Variants in S100A14 observed in about 807,000 individuals in gnomAD.
S100A14 encodes the protein S100 calcium binding protein A14, also known as protein S100-A14.
S100A14 carries 6 observed loss-of-function variants against 10.6 expected under a neutral mutation model. The ratio of observed to expected loss-of-function variants is 0.57; its 90% CI spans 0.31 to 1.12. The LOEUF is 1.12. Ranked by LOEUF, S100A14 falls within the 50% of genes most tolerant of loss-of-function variation. The pLI, the probability that S100A14 is intolerant of heterozygous loss-of-function variation, is 0.06. For synonymous variants in S100A14, 51 were observed against 51.0 expected, an observed-to-expected ratio of 1.00 and a Z score of 0.00; for missense variants, 121 against 128.7, an observed-to-expected ratio of 0.94 and a Z score of 0.29.
chr1:153,615,271 C>T lies in S100A14; in HGVS notation c.141G>A (p.Arg47=). Residue 47 remains arginine (R), a synonymous_variant, in exon 3 of 4, where the codon CGG becomes CGA. Coordinates refer to ENST00000344616, the MANE Select transcript of S100A14 (RefSeq NM_020672.3). ...GKETLTPSEL[R]DLVTQQLPHL... ...GGGGCAGCTGCTGGGTGACCAGGTC[C>T]CGTAGCTCAGAAGGGGTCAGCGTCT... 2.5e-6 allele frequency: 4 copies of T among 1,613,952 alleles called. No homozygotes were observed. The highest frequency in any genetic ancestry group is 3.4e-6 in the Non-Finnish European group (4 of 1,179,992).
Position 153,615,379 on chromosome 1 carries a change from A to G in S100A14, c.33T>C (p.Asp11=). 2 of 1,613,498 alleles carry G rather than the reference A, an allele frequency of 1.2e-6. No individual in the cohort carries two copies. Among genetic ancestry groups the G allele is most frequent in the Non-Finnish European group, 1.7e-6 (2 of 1,179,820 alleles). The change falls in exon 3 of 4, where the codon GAT becomes GAC. Residue 11 remains aspartate, a splice_region_variant and synonymous_variant. Transcript: ENST00000344616. ...TCTCCACATCACTGAATTCCTGAGC[A>G]TCCTGAGGGCAGGGGACATCACAAA... MGQCRSANAE[D]AQEFSDVERA... is the part of the protein sequence containing the mutation.
chr1:153,615,463 C>T, intron 2 of S100A14, 82 bp from the exon 3 acceptor site: 1 of 1,518,358 alleles, frequency 6.6e-7, no homozygotes, highest in Admixed American at 1.9e-5. Context: ...AGCAAAGCCC[C>T]CAGGGCAGAA....
chr1:153,616,069 CCCCGCCTGGGCTTCAGGAGCCAAGGT>C (rs1459617952), intron 1 of S100A14, 133 bp from the exon 2 acceptor site: 1 of 514,360 alleles, frequency 1.9e-6, no homozygotes, highest in Non-Finnish European at 3.5e-6. Context: ...TAGGCCCAGG[CCCCGCCTGGGCTTCAGGAGCCAAGGT>C]CATATCCCCC....
In S100A14 at chr1:153,614,756, A is replaced by C; in HGVS notation, c.*129T>G. The C allele has an allele frequency of 1.8e-6, 2 of 1,138,802 alleles. No homozygotes were observed. Among genetic ancestry groups the C allele is most frequent in the Non-Finnish European group, 2.5e-6 (2 of 811,594 alleles). The allele number at this position is 1,138,802 out of a possible 1,614,324, so 70.5% of individuals were successfully genotyped here. ...GACAGAGTGCACAGAGACCTGGGGA[A>C]GGAAGCTGAACTTTGCAGAGATGAG... On this transcript the variant is annotated 3_prime_UTR_variant, in exon 4 of 4. Transcript: ENST00000344616.
In S100A14 at chr1:153,614,809, G is replaced by A; in HGVS notation, c.*76C>T. ...CAGGTGCAGGCTAGGGTACAGGGTG[G>A]TGGTAGAGGAGACAAGTTTTATCTC... On this transcript the variant is annotated 3_prime_UTR_variant, in exon 4 of 4. Transcript: ENST00000344616. 6.5e-7 allele frequency: 1 copy of A among 1,533,594 alleles called. No homozygotes were observed. The allele number at this position is 1,533,594 out of a possible 1,614,324, so 95.0% of individuals were successfully genotyped here. A position where few individuals can be genotyped will look rare whatever the true frequency, so the allele number is the denominator to read the frequency against.
At chr1:153,616,113 C>T (rs1033671980) in intron 1 of S100A14, 177 bp from the exon 2 acceptor site, 16 of 462,142 alleles carry the variant, frequency 3.5e-5, no homozygotes, top group Middle Eastern at 6.0e-4. Context: ...CCCAGGCCAA[C>T]GCATCTAGGG....
Position 153,614,764 on chromosome 1 carries a change from GAA to G in S100A14, c.*119_*120del. On this transcript the variant is annotated 3_prime_UTR_variant, in exon 4 of 4. Transcript: ENST00000344616. Reference sequence around the variant, plus strand: ...GCACAGAGACCTGGGGAAGGAAGCTGAACTTTGCAGAGATGAGGACAGGTGCA... The same window carrying G: ...GCACAGAGACCTGGGGAAGGAAGCTGCTTTGCAGAGATGAGGACAGGTGCA... The G allele has an allele frequency of 1.6e-6, 2 of 1,254,830 alleles. No homozygotes were observed. The highest frequency in any genetic ancestry group is 2.2e-6 in the Non-Finnish European group (2 of 909,998). The allele number at this position is 1,254,830 out of a possible 1,614,324, so 77.7% of individuals were successfully genotyped here.
At chr1:153,615,727 G>T in intron 2 of S100A14, 102 bp downstream of exon 2, 1 of 1,269,890 alleles carries the variant, frequency 7.9e-7, no homozygotes, top group Non-Finnish European at 1.1e-6. Flanking sequence ...TGGGGTGCAG[G>T]GCAAGGCCAA....
chr1:153,615,159 C>T, intron 3 of S100A14, 76 bp downstream of exon 3: 1 of 1,591,796 alleles, frequency 6.3e-7, no homozygotes, highest in Non-Finnish European at 8.6e-7. Context: ...TTGCAAGTGC[C>T]AGTGTGGGTG....
rs148511407 is a variant in S100A14, at chr1:153,615,057, C to A, written c.178-35G>T. On this transcript the variant is annotated intron_variant, in intron 3 of 3. Transcript: ENST00000344616. ...GTGAAGAAACCATGGCTCAGGGATG[C>A]AGCACCTTCCAATCTTCCCACCCCA... is the stretch of plus-strand genomic sequence containing the variant. 3,847 of 1,607,934 alleles carry A rather than the reference C, an allele frequency of 2.4e-3. 152 individuals are homozygous for A. In the Admixed American group the frequency reaches 0.06, roughly 25 times the overall value.
At chr1:153,615,756 G>A in intron 2 of S100A14, 73 bp downstream of exon 2, 1 of 1,522,612 alleles carries the variant, frequency 6.6e-7, no homozygotes, top group Non-Finnish European at 9.1e-7. Flanking sequence ...GCAGAAGTCA[G>A]TGGGGGGACA....
In S100A14 at chr1:153,615,184, T is replaced by A. The variant is rs1053114311; in HGVS notation, c.177+51A>T. ...CAGTGTGGGTGGGGTCCCGGAGCACTTGCTTGGGAAGTCAGGGTACTGGCT... is the reference window on the plus strand; with the variant it reads ...CAGTGTGGGTGGGGTCCCGGAGCACATGCTTGGGAAGTCAGGGTACTGGCT... On this transcript the variant is annotated intron_variant, in intron 3 of 3. Transcript: ENST00000344616. 8 of 1,606,908 alleles carry A rather than the reference T, an allele frequency of 5.0e-6. No homozygotes were observed. The Middle Eastern group carries it at 5.3e-4, about 107-fold the overall frequency.
rs1370923898 is a variant in S100A14 at position 153,616,030 on chromosome 1, C to G, written c.-78-94G>C. ...TGGCTCCATCTCAGATATTCTGTGC[C>G]TCACCAGGGGTTCAAAACCAACACC... On this transcript the variant is annotated intron_variant, in intron 1 of 3. Coordinates refer to ENST00000344616, the MANE Select transcript of S100A14 (RefSeq NM_020672.3). The G allele has an allele frequency of 4.7e-6, 3 of 634,688 alleles. No homozygotes were observed. The African/African-American group carries it at 5.4e-5, about 11-fold the overall frequency. 39.3% of individuals were successfully genotyped at this position (634,688 alleles called of 1,614,324 possible).
intron 2 of S100A14, 106 bp downstream of exon 2, chr1:153,615,723 G>T: frequency 1.7e-6 from 2 of 1,173,024 alleles, no homozygotes; most frequent in Non-Finnish European, 2.5e-6. Flanking sequence ...GGTCTGGGGT[G>T]CAGGGCAAGG....
chr1:153,615,329 T>A lies in S100A14; in HGVS notation c.83A>T (p.Asn28Ile), dbSNP rs746784811. 6.2e-7 allele frequency: 1 copy of A among 1,613,814 alleles called. No homozygotes were observed. The highest frequency in any genetic ancestry group is 1.1e-5 in the South Asian group (1 of 91,068). The change falls in exon 3 of 4, where the codon AAC (asparagine) becomes ATC (isoleucine). Residue 28 changes from asparagine to isoleucine, a missense_variant. Transcript: ENST00000344616. ...ACCCTCCACGGAGTACTGGTGAAAG[T>A]TCTTGATGAGGGTCTCAATGGCCCT... ...VERAIETLIK[N>I]FHQYSVEGGK...
rs932397919 is a variant in S100A14, at chr1:153,615,968, GGAGA to G, written c.-78-36_-78-33del. On this transcript the variant is annotated intron_variant, in intron 1 of 3. Coordinates refer to ENST00000344616, the MANE Select transcript of S100A14 (RefSeq NM_020672.3). ...AGAGGAGGGGGTAGGCCTGAGCTGA[GGAGA>G]GAGTCTAGCATTTCTTTCTCAGCTG... 7 of 1,046,184 alleles carry G rather than the reference GGAGA, an allele frequency of 6.7e-6. No individual in the cohort carries two copies. The African/African-American group carries it at 1.1e-4, about 16-fold the overall frequency. 64.8% of individuals were successfully genotyped at this position (1,046,184 alleles called of 1,614,324 possible).
rs760330987 is a variant in S100A14, at chr1:153,615,024, T to C, written c.178-2A>G. ...TTTCTCTTCCAGGCCACAGTTGCTC[T>C]GAGGGGAGTGAAGAAACCATGGCTC... is the stretch of plus-strand genomic sequence containing the variant. On this transcript the variant is annotated splice_acceptor_variant, in intron 3 of 3. Transcript: ENST00000344616. LOFTEE classifies it high-confidence loss of function. 3 of 1,613,376 alleles carry C rather than the reference T, an allele frequency of 1.9e-6. No individual in the cohort carries two copies. The Admixed American group carries it at 5.0e-5, about 27-fold the overall frequency.
Position 153,615,956 on chromosome 1 carries a change from G to A in S100A14, c.-78-20C>T. On this transcript the variant is annotated intron_variant, in intron 1 of 3. Coordinates refer to ENST00000344616, the MANE Select transcript of S100A14 (RefSeq NM_020672.3). ...CATGATCTGCTTAGAGGAGGGGGTA[G>A]GCCTGAGCTGAGGAGAGAGTCTAGC... is the stretch of plus-strand genomic sequence containing the variant. 3.3e-6 allele frequency: 4 copies of A among 1,201,754 alleles called. No individual in the cohort carries two copies. The highest frequency in any genetic ancestry group is 1.8e-5 in the Admixed American group (1 of 57,076). 74.4% of individuals were successfully genotyped at this position (1,201,754 alleles called of 1,614,324 possible). A position where few individuals can be genotyped will look rare whatever the true frequency, so the allele number is the denominator to read the frequency against.
chr1:153,615,210 G>A, intron 3 of S100A14, 25 bp downstream of exon 3: 1 of 1,612,186 alleles, frequency 6.2e-7, no homozygotes, highest in Non-Finnish European at 8.5e-7. Flanking sequence ...GGTACTGGCT[G>A]AGGTGGGGTG....
Sources: allele counts gnomAD v4.1 joint callset, GRCh38; gene constraint gnomAD v4.1.1; transcripts MANE v1.5; gene names NCBI Gene and HGNC (gene_info 2026-07-23, HGNC 2026-07-21).